Variants in MRM1 observed in about 807,000 individuals in gnomAD.
MRM1 encodes mitochondrial rRNA methyltransferase 1.
A neutral mutation model predicts 25.0 loss-of-function variants in MRM1; 24 were observed. The ratio of observed to expected loss-of-function variants is 0.96; its 90% CI spans 0.69 to 1.35. MRM1 has a LOEUF of 1.35. MRM1 is among the 40% of genes most tolerant of loss of function. MRM1 has a pLI of 0.00. For missense variants in MRM1, 431 were observed against 464.1 expected, an observed-to-expected ratio of 0.93 and a Z score of 0.65; for synonymous variants, 188 against 199.2, an observed-to-expected ratio of 0.94 and a Z score of 0.47.
chr17:36,606,902 C>A (rs61080523), intron 2 of MRM1, among the ~76,000 whole-genome samples: 59,168 of 144,760 alleles, frequency 0.41, 12,799 homozygotes, highest in African/African-American at 0.54. Flanking sequence ...TGAGCTACTG[C>A]GCCTGGTTTT....
chr17:36,614,734 G>T, the MRM1 span, among the ~76,000 whole-genome samples: 3 of 152,154 alleles, frequency 2.0e-5, no homozygotes, highest in East Asian at 5.8e-4. Flanking sequence ...CTCACAGGGG[G>T]TTAGCACAGT....
In MRM1 at chr17:36,607,645, G is replaced by A. The variant is rs747966424; in HGVS notation, c.637-25G>A. 7 of 1,598,886 alleles carry A rather than the reference G, an allele frequency of 4.4e-6. No individual in the cohort carries two copies. The Admixed American group carries it at 1.2e-4, about 29-fold the overall frequency. The stretch of plus-strand genomic sequence containing the variant: ...CAAAATTAAAATAAAAAAAGAATTA[G>A]AACATATCTTCTTCCCCCTTTCAGA... On this transcript the variant is annotated intron_variant, in intron 2 of 4. Coordinates refer to ENST00000614766, the MANE Select transcript of MRM1 (RefSeq NM_024864.5).
chr17:36,602,261 G>GA lies in MRM1; in HGVS notation c.452dup (p.Asp151GlufsTer23). ...CCCCCAGCAGTTGTGGCTCGTCCTCGATGGGATCCAGGATCCCCGGAATTT... is the reference window on the plus strand; with the variant it reads ...CCCCCAGCAGTTGTGGCTCGTCCTCGAATGGGATCCAGGATCCCCGGAATTT... On this transcript the variant is annotated frameshift_variant, in exon 1 of 5. Coordinates refer to ENST00000614766, the MANE Select transcript of MRM1 (RefSeq NM_024864.5). LOFTEE classifies it high-confidence loss of function. This position sits in a 1 kb window ranked among gnomAD's most constrained non-coding sequence, Gnocchi z 4.1. 6.2e-7 allele frequency: 1 copy of GA among 1,605,638 alleles called. No individual in the cohort carries two copies. Among genetic ancestry groups the GA allele is most frequent in the Non-Finnish European group, 8.5e-7 (1 of 1,175,148 alleles).
chr17:36,626,290 C>T, the MRM1 span, among the ~76,000 whole-genome samples: 1 of 152,188 alleles, frequency 6.6e-6, no homozygotes, highest in African/African-American at 2.4e-5. Flanking sequence ...ACAGAGCCAG[C>T]TGCTCTTGTT....
the MRM1 span, among the ~76,000 whole-genome samples, chr17:36,631,389 CACATGTGT>C: frequency 2.6e-5 from 4 of 152,240 alleles, no homozygotes; most frequent in African/African-American, 4.8e-5. Flanking sequence ...TGTATTTGTG[CACATGTGT>C]GCATGTGTGC....
chr17:36,613,082 C>G (rs2074986430), downstream of MRM1, among the ~76,000 whole-genome samples: 1 of 152,070 alleles, frequency 6.6e-6, no homozygotes, highest in South Asian at 2.1e-4. Flanking sequence ...TGGAAAGGGT[C>G]TAAGAAGAAT....
chr17:36,615,475 A>G, the MRM1 span, among the ~76,000 whole-genome samples: 248 of 152,128 alleles, frequency 1.6e-3, no homozygotes, highest in Middle Eastern at 3.4e-3. Flanking sequence ...CCTGACCAAC[A>G]TGGAGAAACC....
In MRM1 at chr17:36,601,584, A is replaced by G; in HGVS notation, c.-227A>G. 1 of 484,282 alleles carries G rather than the reference A, an allele frequency of 2.1e-6. No homozygotes were observed. The highest frequency in any genetic ancestry group is 3.6e-6 in the Non-Finnish European group (1 of 278,228). 30.0% of individuals were successfully genotyped at this position (484,282 alleles called of 1,614,324 possible). On this transcript the variant is annotated 5_prime_UTR_variant, in exon 1 of 5. Coordinates refer to ENST00000614766, the MANE Select transcript of MRM1 (RefSeq NM_024864.5). ...GGGGCCGGGGAGGGGCGGGCTCCCG[A>G]ACCCGGAAGCGAGGGACCCACGTGG...
Position 36,608,288 on chromosome 17 carries a change from C to A in MRM1, c.935C>A (p.Thr312Lys). 1 of 1,601,410 alleles carries A rather than the reference C, an allele frequency of 6.2e-7. No homozygotes were observed. The highest frequency in any genetic ancestry group is 8.5e-7 in the Non-Finnish European group (1 of 1,174,686). Residue 312 changes from threonine (T) to lysine (K), a missense_variant, in exon 5 of 5, where the codon ACA becomes AAA. By Grantham distance (78) the Thr-to-Lys change is moderately conservative. Transcript: ENST00000614766. ...TGCAGCCAGAGGAAGGGTTTCCCCA[C>A]AGAGGGGGAGAGAAGGCAGCTTCTC... ...SICSQRKGFP[T>K]EGERRQLLQD...
chr17:36,602,119 A>AATGTGC lies in MRM1; in HGVS notation c.309_310insATGTGC (p.Arg103_Arg104insMetCys), dbSNP rs2074878242. ...GGGACATTCCAGTTCTGCGGCCCAGACGGCAGAAACTGGACACAATGTGCC... is the reference window on the plus strand; with the variant it reads ...GGGACATTCCAGTTCTGCGGCCCAGAATGTGCCGGCAGAAACTGGACACAATGTGCC... On this transcript the variant is annotated inframe_insertion, in exon 1 of 5. Transcript: ENST00000614766. The surrounding 1 kb of genome is among the most constrained non-coding windows in gnomAD (Gnocchi z 4.1). 6.2e-7 allele frequency: 1 copy of AATGTGC among 1,612,262 alleles called. No individual in the cohort carries two copies. The highest frequency in any genetic ancestry group is 1.3e-5 in the African/African-American group (1 of 74,926).
chr17:36,631,094 T>C, the MRM1 span, among the ~76,000 whole-genome samples: 1 of 152,332 alleles, frequency 6.6e-6, no homozygotes, highest in Middle Eastern at 3.4e-3. Flanking sequence ...GGAAGGTGCT[T>C]AGCACCCAGC....
chr17:36,612,873 G>C (rs1567851158), downstream of MRM1, among the ~76,000 whole-genome samples: 2 of 152,212 alleles, frequency 1.3e-5, no homozygotes, highest in Non-Finnish European at 2.9e-5. Flanking sequence ...TCTAGGGCCA[G>C]ATTTAGAGGT....
chr17:36,621,313 G>A, the MRM1 span, among the ~76,000 whole-genome samples: 1 of 152,088 alleles, frequency 6.6e-6, no homozygotes, highest in Non-Finnish European at 1.5e-5. Context: ...AGGGCTGGGA[G>A]TGCAGACTCC....
downstream of MRM1, among the ~76,000 whole-genome samples, chr17:36,613,453 C>T (rs2074989015): frequency 1.3e-5 from 2 of 152,194 alleles, no homozygotes; most frequent in African/African-American, 2.4e-5. Context: ...CAGCCACTCC[C>T]TCCTGGGGTT....
chr17:36,620,575 G>A, the MRM1 span, among the ~76,000 whole-genome samples: 2 of 152,220 alleles, frequency 1.3e-5, no homozygotes, highest in Non-Finnish European at 2.9e-5. Context: ...AGAGTTGTGC[G>A]AGACCTCAGT....
chr17:36,615,112 A>G, the MRM1 span, among the ~76,000 whole-genome samples: 27 of 152,302 alleles, frequency 1.8e-4, no homozygotes, highest in East Asian at 4.8e-3. Flanking sequence ...CTGCACTCCA[A>G]GGATTTTTAT....
At chr17:36,615,879 G>C in the MRM1 span, among the ~76,000 whole-genome samples, 13 of 151,982 alleles carry the variant, frequency 8.6e-5, no homozygotes, top group South Asian at 2.7e-3. Context: ...TGTAATCCCA[G>C]CTACTCGGGA....
the MRM1 span, among the ~76,000 whole-genome samples, chr17:36,623,650 G>A: frequency 6.6e-6 from 1 of 152,172 alleles, no homozygotes; most frequent in Admixed American, 6.5e-5. Flanking sequence ...CTCCTATGCT[G>A]GGACCCCTGC....
chr17:36,615,941 T>C, the MRM1 span, among the ~76,000 whole-genome samples: 1 of 152,062 alleles, frequency 6.6e-6, no homozygotes, highest in Non-Finnish European at 1.5e-5. Flanking sequence ...TGCAGTGAGC[T>C]GAGATCACGC....
Sources: gnomAD v4.1 joint callset for allele counts (sites outside exome capture counted in the v4.1 genomes callset) on GRCh38, gnomAD v4.1.1 for gene constraint, Gnocchi (gnomAD v3.1) non-coding constraint, MANE v1.5 for transcripts, NCBI Gene and HGNC (gene_info 2026-07-23, HGNC 2026-07-21) for gene names.